POT1: variants seen among roughly 807,000 people sequenced by gnomAD.
POT1 encodes protection of telomeres protein 1.
POT1 carries 47 observed loss-of-function variants against 78.5 expected under a neutral mutation model. The ratio of observed to expected loss-of-function variants is 0.60; its 90% CI spans 0.47 to 0.76. The LOEUF (loss-of-function observed/expected upper bound fraction) is 0.76. Ranked by LOEUF, POT1 falls within the 30% of genes least tolerant of loss-of-function variation. POT1 has a pLI of 0.00. For synonymous variants in POT1, 259 were observed against 260.7 expected, an observed-to-expected ratio of 0.99 and a Z score of 0.06; for missense variants, 646 against 749.9, an observed-to-expected ratio of 0.86 and a Z score of 1.62.
intron 2 of POT1, among the ~76,000 whole-genome samples, chr7:124,917,644 CAATT>C (rs1366570584): frequency 6.6e-6 from 1 of 152,156 alleles, no homozygotes; most frequent in Non-Finnish European, 1.5e-5. Context: ...GAACCACAAT[CAATT>C]AGATTAAAAG....
intron 3 of POT1, among the ~76,000 whole-genome samples, chr7:124,909,922 C>T (rs6968693): frequency 0.6 from 91,218 of 151,580 alleles, 27,566 homozygotes; most frequent in African/African-American, 0.65. Flanking sequence ...CTCTGATATT[C>T]GATAGCATGT....
At chr7:124,828,412 A>T (rs534564089) in intron 16 of POT1, among the ~76,000 whole-genome samples, 2 of 152,200 alleles carry the variant, frequency 1.3e-5, no homozygotes, top group Non-Finnish European at 2.9e-5. Flanking sequence ...AAGATACTCA[A>T]TTTATAGAAT....
chr7:124,875,839 C>A (rs895685984), intron 6 of POT1, among the ~76,000 whole-genome samples: 2 of 152,154 alleles, frequency 1.3e-5, no homozygotes, highest in African/African-American at 4.8e-5. Flanking sequence ...TGGGACATGA[C>A]TGAGGACCAT....
At chr7:124,917,328 G>A (rs1467766735) in intron 2 of POT1, among the ~76,000 whole-genome samples, 1 of 152,044 alleles carries the variant, frequency 6.6e-6, no homozygotes, top group East Asian at 1.9e-4. Flanking sequence ...ACTAAGGATG[G>A]GGAAGACAAG....
At chr7:124,914,707 G>A (rs1796976091) in intron 3 of POT1, among the ~76,000 whole-genome samples, 1 of 152,048 alleles carries the variant, frequency 6.6e-6, no homozygotes, top group Non-Finnish European at 1.5e-5. Context: ...CATTGCATTA[G>A]GCATTATAAA....
intron 6 of POT1, among the ~76,000 whole-genome samples, chr7:124,876,280 C>T (rs1387535134): frequency 6.6e-6 from 1 of 152,066 alleles, no homozygotes; most frequent in Admixed American, 6.6e-5. Context: ...GACTTTATTA[C>T]CTCTTTATTC....
At chr7:124,889,600 A>C (rs1584790119) in intron 6 of POT1, among the ~76,000 whole-genome samples, 3 of 152,020 alleles carry the variant, frequency 2.0e-5, no homozygotes, top group East Asian at 3.9e-4. Context: ...CAAAGCTTCA[A>C]AAAACAGGTT....
chr7:124,890,532 A>G (rs1372068960), intron 6 of POT1, among the ~76,000 whole-genome samples: 1 of 151,910 alleles, frequency 6.6e-6, no homozygotes, highest in Non-Finnish European at 1.5e-5. Flanking sequence ...AATCTTTTGT[A>G]AAAGGAAGAG....
At chr7:124,907,330 A>C (rs1348521129) in intron 3 of POT1, among the ~76,000 whole-genome samples, 12 of 152,094 alleles carry the variant, frequency 7.9e-5, no homozygotes, top group Non-Finnish European at 1.6e-4. Flanking sequence ...AGCCAAATAG[A>C]ATATTTACTG....
At chr7:124,856,501 C>A (rs1404069849) in intron 9 of POT1, among the ~76,000 whole-genome samples, 3 of 151,928 alleles carry the variant, frequency 2.0e-5, no homozygotes, top group Admixed American at 2.0e-4. Flanking sequence ...TAAAGCAGAA[C>A]ATAAAAAAGG....
At chr7:124,834,307 A>T (rs1225949437) in intron 15 of POT1, among the ~76,000 whole-genome samples, 1 of 152,154 alleles carries the variant, frequency 6.6e-6, no homozygotes, top group African/African-American at 2.4e-5. Context: ...CTATCATCAG[A>T]GTAAACAGGC....
chr7:124,873,239 T>C (rs757945938), intron 6 of POT1, among the ~76,000 whole-genome samples: 10 of 152,192 alleles, frequency 6.6e-5, no homozygotes, highest in Non-Finnish European at 1.0e-4. Flanking sequence ...GAGATCAATG[T>C]CATGGAGCTC....
rs587777475 is a variant in POT1, at chr7:124,863,486, C to T, written c.410G>A (p.Arg137His). 5 of 1,613,924 alleles carry T rather than the reference C, an allele frequency of 3.1e-6. No individual in the cohort carries two copies. Among genetic ancestry groups the T allele is most frequent in the East Asian group, 2.2e-5 (1 of 44,868 alleles). ...TEDHKMVEAL[R>H]VWASTHMSPS... The stretch of plus-strand genomic sequence containing the variant: ...TGACATATGAGTAGATGCCCAAACA[C>T]GTAAGGCTTCTACCATTTTGTGGTC... Residue 137 changes from arginine (R) to histidine (H), a missense_variant, in exon 8 of 19, where the codon CGT becomes CAT. Arg to His is a conservative substitution (Grantham distance 29, BLOSUM62 0). Coordinates refer to ENST00000357628, the MANE Select transcript of POT1 (RefSeq NM_015450.3).
At chr7:124,928,448 G>A (rs779493366) in intron 2 of POT1, among the ~76,000 whole-genome samples, 3 of 152,194 alleles carry the variant, frequency 2.0e-5, no homozygotes, top group Non-Finnish European at 4.4e-5. Flanking sequence ...CTCAACTTTC[G>A]TGATCTGTCA....
chr7:124,859,968 G>A (rs1795547007), intron 8 of POT1, among the ~76,000 whole-genome samples: 1 of 151,858 alleles, frequency 6.6e-6, no homozygotes, highest in African/African-American at 2.4e-5. Context: ...TAAAATAAAT[G>A]CACTGTGGTT....
intron 7 of POT1, among the ~76,000 whole-genome samples, chr7:124,864,566 T>C (rs1002515386): frequency 1.4e-4 from 22 of 152,170 alleles, no homozygotes; most frequent in Admixed American, 1.2e-3. Flanking sequence ...TTCTTACTAG[T>C]GCTCCATTTC....
At chr7:124,920,195 T>C (rs1465481693) in intron 2 of POT1, among the ~76,000 whole-genome samples, 2 of 152,056 alleles carry the variant, frequency 1.3e-5, no homozygotes, top group Non-Finnish European at 2.9e-5. Context: ...AGAATCCAAA[T>C]ATTCCTACAC....
chr7:124,856,070 T>C (rs1438292550), intron 9 of POT1, among the ~76,000 whole-genome samples: 3 of 152,144 alleles, frequency 2.0e-5, no homozygotes, highest in Admixed American at 6.5e-5. Flanking sequence ...TGCTTGTAGA[T>C]GTTGATTATA....
At chr7:124,920,024 G>C (rs530909358) in intron 2 of POT1, among the ~76,000 whole-genome samples, 8 of 147,340 alleles carry the variant, frequency 5.4e-5, no homozygotes, top group African/African-American at 2.0e-4. Context: ...GCTGAATCTA[G>C]AGAAGTGTAG....
Sources: gnomAD v4.1 joint callset for allele counts (sites outside exome capture counted in the v4.1 genomes callset) on GRCh38, gnomAD v4.1.1 for gene constraint, MANE v1.5 for transcripts, NCBI Gene and HGNC (gene_info 2026-07-23, HGNC 2026-07-21) for gene names.